SATB2: variants seen among roughly 807,000 people sequenced by gnomAD.
SATB2 encodes DNA-binding protein SATB2.
Under a neutral mutation model 73.4 loss-of-function variants are expected in SATB2, and 1 was observed. That is an observed-to-expected ratio of 0.01 (90% CI 0.00 to 0.06). The LOEUF is 0.06. Ranked by LOEUF, SATB2 falls within the 10% of genes least tolerant of loss-of-function variation. The pLI, the probability that SATB2 is intolerant of heterozygous loss-of-function variation, is 1.00. For missense variants in SATB2, 459 were observed against 945.8 expected (o/e 0.49, Z 6.75); for synonymous variants, 397 against 367.0 (o/e 1.08, Z -0.93).
intron 6 of SATB2, among the ~76,000 whole-genome samples, chr2:199,349,632 A>G (rs1470104076): frequency 1.3e-5 from 2 of 152,194 alleles, no homozygotes; most frequent in Non-Finnish European, 2.9e-5. Context: ...AGCTCACATA[A>G]ATATTATTAT....
Position 199,457,105 on chromosome 2 carries a change from C to T in SATB2, c.-60+234G>A, listed in dbSNP as rs1479669959. Among the ~76,000 whole-genome samples, 1 of 152,060 alleles carries T rather than the reference C, an allele frequency of 6.6e-6. No homozygotes were observed. Among genetic ancestry groups the T allele is most frequent in the Admixed American group, 6.5e-5 (1 of 15,272 alleles). On this transcript the variant is annotated intron_variant, in intron 1 of 10. Transcript: ENST00000417098. The surrounding 1 kb of genome is among the most constrained non-coding windows in gnomAD (Gnocchi z 4.8). ...GGAATCCTCGTGGGCGCTCTGGCCG[C>T]GCGAGCAGTGTCGGCGCCACGGGTC... is the stretch of plus-strand genomic sequence containing the variant.
At chr2:199,353,148 CTTTTTTTTTTTTT>C (rs11369554) in intron 6 of SATB2, among the ~76,000 whole-genome samples, 3 of 88,014 alleles carry the variant, frequency 3.4e-5, no homozygotes, top group African/African-American at 4.6e-5. Context: ...ACGTTTTTGT[CTTTTTTTTTTTTT>C]TTTTTTTTTT....
chr2:199,348,765 T>A lies in SATB2; in HGVS notation c.1109A>T (p.Asp370Val), dbSNP rs1688727490. The A allele has an allele frequency of 6.2e-7, 1 of 1,602,346 alleles. No individual in the cohort carries two copies. The highest frequency in any genetic ancestry group is 1.3e-5 in the African/African-American group (1 of 74,754). Residue 370 changes from aspartate to valine, a missense_variant, in exon 7 of 11, where the codon GAT becomes GTT. Asp to Val is a radical substitution (Grantham distance 152). Coordinates refer to ENST00000417098, the MANE Select transcript of SATB2 (RefSeq NM_001172509.2). The part of the protein sequence containing the change: ...VSPDIYQQVR[D>V]ELKRASVSQA... ...GGACACACTGGCCCTCTTCAGCTCA[T>A]CTCTGACTTGCTGGTAGATATCTGG...
At chr2:199,435,498 G>A (rs1428458362) in intron 2 of SATB2, among the ~76,000 whole-genome samples, 6 of 151,982 alleles carry the variant, frequency 3.9e-5, no homozygotes, top group South Asian at 2.1e-4. Flanking sequence ...ACAGGCGCCC[G>A]TCAACACGCC....
chr2:199,408,071 T>C (rs1230708434), intron 3 of SATB2, among the ~76,000 whole-genome samples: 1 of 152,210 alleles, frequency 6.6e-6, no homozygotes, highest in Non-Finnish European at 1.5e-5. Context: ...GTTCCATAGT[T>C]TGTGCCTTGT....
chr2:199,339,484 T>C (rs573148489), intron 7 of SATB2, among the ~76,000 whole-genome samples: 47 of 152,306 alleles, frequency 3.1e-4, no homozygotes, highest in African/African-American at 1.1e-3. Context: ...ACTTCAAAAC[T>C]CAATAACGGG....
At chr2:199,410,635 C>T (rs192742568) in intron 3 of SATB2, among the ~76,000 whole-genome samples, 86 of 152,270 alleles carry the variant, frequency 5.6e-4, no homozygotes, top group East Asian at 1.2e-3. Flanking sequence ...TCCCAGCGCA[C>T]GCTACTATAA....
In SATB2 at chr2:199,308,768, G is replaced by T. The variant is rs780054309; in HGVS notation, c.1732C>A (p.Pro578Thr). Residue 578 changes from proline (P) to threonine (T), a missense_variant, in exon 10 of 11, where the codon CCG becomes ACG. Pro to Thr is a conservative substitution (Grantham distance 38). This residue lies in a region of SATB2 where 74 missense variants were observed against 136.1 expected (regional missense o/e 0.54). Transcript: ENST00000417098. The surrounding 1 kb of genome is among the most constrained non-coding windows in gnomAD (Gnocchi z 4.6). ...MQHVVQLPPE[P>T]VQVLHRQQSQ... ...CGGTCGGGGACACTGACCTGCACCG[G>T]CTCAGGGGGAAGCTGGACCACGTGT... The T allele has an allele frequency of 2.5e-5, 40 of 1,613,862 alleles. 1 individual carries two copies. The highest frequency in any genetic ancestry group is 3.4e-5 in the Non-Finnish European group (40 of 1,179,924).
At chr2:199,282,704 TATA>T (rs1453975512) in intron 10 of SATB2, among the ~76,000 whole-genome samples, 1 of 152,190 alleles carries the variant, frequency 6.6e-6, no homozygotes, top group Non-Finnish European at 1.5e-5. Context: ...GAATCAGGAG[TATA>T]ATGAGTCACT....
intron 5 of SATB2, among the ~76,000 whole-genome samples, chr2:199,370,271 T>C (rs1689405451): frequency 6.6e-6 from 1 of 151,930 alleles, no homozygotes; most frequent in South Asian, 2.1e-4. Flanking sequence ...CTATCTCGTG[T>C]CTCACATAGT....
intron 5 of SATB2, among the ~76,000 whole-genome samples, chr2:199,374,697 C>A (rs895466103): frequency 6.6e-6 from 1 of 152,160 alleles, no homozygotes; most frequent in Non-Finnish European, 1.5e-5. Context: ...GGTGCAATGG[C>A]TTATGCCTAT....
intron 8 of SATB2, 67 bp downstream of exon 8, chr2:199,328,631 C>T (rs1688099385): frequency 8.5e-7 from 1 of 1,170,492 alleles, no homozygotes; most frequent in African/African-American, 1.5e-5. Flanking sequence ...AGGGAAAACA[C>T]AGTAACTAGT....
chr2:199,456,975 T>TGGGGGGGGGGGGGG (rs71397724), intron 1 of SATB2, among the ~76,000 whole-genome samples: 7 of 123,854 alleles, frequency 5.7e-5, no homozygotes, highest in African/African-American at 9.9e-5. Flanking sequence ...ATTGGGGGGG[T>TGGGGGGGGGGGGGG]GGGGGGGGGC....
chr2:199,405,939 ACT>A (rs1234223139), intron 3 of SATB2, among the ~76,000 whole-genome samples: 3 of 152,156 alleles, frequency 2.0e-5, no homozygotes, highest in Admixed American at 6.5e-5. Flanking sequence ...TGGGTTCTAG[ACT>A]CACAGATTCA....
intron 10 of SATB2, among the ~76,000 whole-genome samples, chr2:199,292,640 A>G (rs1467862653): frequency 1.3e-5 from 2 of 152,238 alleles, no homozygotes; most frequent in Admixed American, 1.3e-4. Context: ...TTTCTAAGCC[A>G]TATTTAACAG....
chr2:199,399,314 A>G (rs1690397798), intron 3 of SATB2, among the ~76,000 whole-genome samples: 1 of 152,178 alleles, frequency 6.6e-6, no homozygotes, highest in South Asian at 2.1e-4. Context: ...AAGATTTTAC[A>G]AAGTAGAAGA....
intron 5 of SATB2, among the ~76,000 whole-genome samples, chr2:199,380,084 A>C (rs1689724789): frequency 6.6e-6 from 1 of 151,940 alleles, no homozygotes; most frequent in Non-Finnish European, 1.5e-5. Flanking sequence ...GGGTTTCGCC[A>C]TGTTACCCAG....
intron 3 of SATB2, among the ~76,000 whole-genome samples, chr2:199,403,439 T>A (rs1690542111): frequency 6.6e-6 from 1 of 152,094 alleles, no homozygotes; most frequent in African/African-American, 2.4e-5. Flanking sequence ...ATGAGGGGCA[T>A]AAAGCAGATT....
In SATB2 at chr2:199,353,148, C is replaced by CTTTT. The variant is rs11369554; in HGVS notation, c.701-3979_701-3976dup. Among the ~76,000 whole-genome samples the CTTTT allele has an allele frequency of 7.9e-3, 699 of 88,016 alleles. 27 individuals carry two copies. The highest frequency in any genetic ancestry group is 0.024 in the South Asian group (51 of 2,140). The allele number at this position is 88,016 out of a possible 152,430, so 57.7% of individuals were successfully genotyped here. A position where few individuals can be genotyped will look rare whatever the true frequency, so the allele number is the denominator to read the frequency against. On this transcript the variant is annotated intron_variant, in intron 6 of 10. Coordinates refer to ENST00000417098, the MANE Select transcript of SATB2 (RefSeq NM_001172509.2). ...AGAAACCATTTACACACGTTTTTGTCTTTTTTTTTTTTTTTTTTTTTTTTG... is the reference window on the plus strand; with the variant it reads ...AGAAACCATTTACACACGTTTTTGTCTTTTTTTTTTTTTTTTTTTTTTTTTTTTG...
Sources: allele counts gnomAD v4.1 joint callset (sites outside exome capture counted in the v4.1 genomes callset), GRCh38; gene constraint gnomAD v4.1.1; regional missense constraint gnomAD v4.1.1; non-coding constraint Gnocchi (gnomAD v3.1); transcripts MANE v1.5; gene names NCBI Gene and HGNC (gene_info 2026-07-23, HGNC 2026-07-21).